Variants in ADAP2 observed in about 807,000 individuals in gnomAD.
ADAP2 encodes the protein ArfGAP with dual PH domains 2.
ADAP2 carries 42 observed loss-of-function variants against 54.9 expected under a neutral mutation model. The observed-to-expected ratio is 0.77, with a 90% CI of 0.60 to 0.99. ADAP2 has a LOEUF of 0.99. Ranked by LOEUF, ADAP2 falls within the 50% of genes least tolerant of loss-of-function variation. The pLI is 0.00. For missense variants in ADAP2, 429 were observed against 480.4 expected (o/e 0.89, Z 1.00); for synonymous variants, 177 against 180.1 (o/e 0.98, Z 0.14).
At chr17:30,945,100 G>T in intron 6 of ADAP2, 47 bp downstream of exon 6, 1 of 1,601,018 alleles carries the variant, frequency 6.2e-7, no homozygotes, top group Non-Finnish European at 8.5e-7. Context: ...CGCACCCCAG[G>T]ACTTGGCAGG....
At chr17:30,931,795 C>A in intron 3 of ADAP2, 94 bp from the exon 4 acceptor site, 1 of 907,020 alleles carries the variant, frequency 1.1e-6, no homozygotes, top group Non-Finnish European at 1.7e-6. Context: ...CACCACTGCA[C>A]TCCAGCCTGG....
At position 30,956,627 on chromosome 17, in the gene ADAP2, T is replaced by C. The variant is rs1274160748; in HGVS notation, c.1111+158T>C. On this transcript the variant is annotated intron_variant, in intron 10 of 10. Transcript: ENST00000330889. Reference sequence around the variant, plus strand: ...TTCCTGCAAAAGAAAAGCACAGACATGCCATTATTGCCAAAAGGTCTCCTC... The same window carrying C: ...TTCCTGCAAAAGAAAAGCACAGACACGCCATTATTGCCAAAAGGTCTCCTC... 6.7e-6 allele frequency: 5 copies of C among 747,490 alleles called. No homozygotes were observed. In the East Asian group the frequency reaches 1.1e-4, roughly 16 times the overall value. The allele number at this position is 747,490 out of a possible 1,614,324, so 46.3% of individuals were successfully genotyped here.
At chr17:30,940,594 C>A (rs1912205155) in intron 5 of ADAP2, among the ~76,000 whole-genome samples, 1 of 152,194 alleles carries the variant, frequency 6.6e-6, no homozygotes. Context: ...CGTGAGCCAC[C>A]ATGCCCGGCC....
intron 8 of ADAP2, 32 bp from the exon 9 acceptor site, chr17:30,954,446 T>C: frequency 6.2e-7 from 1 of 1,602,500 alleles, no homozygotes; most frequent in African/African-American, 1.3e-5. Flanking sequence ...ACTGACCTGG[T>C]CATCTGTGGT....
At chr17:30,947,202 GAGGATTGAAACA>G (rs1317656502) in intron 6 of ADAP2, among the ~76,000 whole-genome samples, 2 of 152,178 alleles carry the variant, frequency 1.3e-5, no homozygotes, top group African/African-American at 4.8e-5. Context: ...AACCTGCATG[GAGGATTGAAACA>G]AACAAAACTT....
rs144676386 is a variant in ADAP2 at position 30,951,724 on chromosome 17, T to C, written c.742-1564T>C. 9.8e-3 allele frequency among the ~76,000 whole-genome samples: 1,480 copies of C among 151,042 alleles called. 24 individuals are homozygous for C. The highest frequency in any genetic ancestry group is 0.032 in the African/African-American group (1,300 of 41,046). On this transcript the variant is annotated intron_variant, in intron 7 of 10. Coordinates refer to ENST00000330889, the MANE Select transcript of ADAP2 (RefSeq NM_018404.3). ...AGGCCAGAGTGCAGTGGCGCCATCT[T>C]GGCTCACTGCAAGCTCCGCCTCCCA...
At chr17:30,940,724 T>C (rs903278414) in intron 5 of ADAP2, among the ~76,000 whole-genome samples, 2 of 152,246 alleles carry the variant, frequency 1.3e-5, no homozygotes, top group African/African-American at 4.8e-5. Flanking sequence ...CCTTGTTTGA[T>C]GAGAGAAATG....
chr17:30,947,037 G>A (rs912637951), intron 6 of ADAP2, among the ~76,000 whole-genome samples: 12 of 152,196 alleles, frequency 7.9e-5, no homozygotes, highest in African/African-American at 2.7e-4. Flanking sequence ...GACAACCTGG[G>A]TCTGGCCATT....
Position 30,945,047 on chromosome 17 carries a change from T to A in ADAP2, c.651T>A (p.Ser217Arg), listed in dbSNP as rs754279150. 4 of 1,613,608 alleles carry A rather than the reference T, an allele frequency of 2.5e-6. No homozygotes were observed. The highest frequency in any genetic ancestry group is 2.5e-6 in the Non-Finnish European group (3 of 1,179,854). The change falls in exon 6 of 11, where the codon AGT becomes AGA. Residue 217 changes from serine to arginine, a missense_variant. Coordinates refer to ENST00000330889, the MANE Select transcript of ADAP2 (RefSeq NM_018404.3). ...GGAACCTGTTTGTGTATCATGAAAG[T>A]GGGAAGGTGAGATGCCTGGAGTTGC... is the stretch of plus-strand genomic sequence containing the variant. ...HTRNLFVYHE[S>R]GKEIVDWFNA...
At chr17:30,951,637 A>G (rs1285731397) in intron 7 of ADAP2, among the ~76,000 whole-genome samples, 3 of 145,026 alleles carry the variant, frequency 2.1e-5, no homozygotes, top group Non-Finnish European at 3.0e-5. Context: ...CATCTGACCA[A>G]TATTTTCTTT....
chr17:30,946,542 G>C (rs991211514), intron 6 of ADAP2, among the ~76,000 whole-genome samples: 2 of 152,110 alleles, frequency 1.3e-5, no homozygotes, highest in Non-Finnish European at 2.9e-5. Context: ...TAATAGTCCA[G>C]GAAATCTGCC....
At chr17:30,922,138 G>GGT (rs1292995657) in intron 1 of ADAP2, 30 bp downstream of exon 1, 2 of 1,224,690 alleles carry the variant, frequency 1.6e-6, no homozygotes, top group Non-Finnish European at 2.0e-6. Flanking sequence ...GGCAGCGCGA[G>GGT]ACCCCCGGCC....
At chr17:30,937,012 T>G (rs1335879268) in intron 5 of ADAP2, among the ~76,000 whole-genome samples, 1 of 152,148 alleles carries the variant, frequency 6.6e-6, no homozygotes, top group African/African-American at 2.4e-5. Flanking sequence ...CACTGCAACC[T>G]CTGCCTCCCA....
chr17:30,950,035 C>T (rs1394443610), intron 7 of ADAP2, among the ~76,000 whole-genome samples: 1 of 152,182 alleles, frequency 6.6e-6, no homozygotes, highest in African/African-American at 2.4e-5. Context: ...GTGCTTTGAG[C>T]CCATTTTGTC....
At chr17:30,924,182 G>A (rs534798972) in intron 2 of ADAP2, among the ~76,000 whole-genome samples, 1 of 152,236 alleles carries the variant, frequency 6.6e-6, no homozygotes, top group African/African-American at 2.4e-5. Flanking sequence ...AGAGCAGCCT[G>A]GGCAACATGG....
intron 2 of ADAP2, among the ~76,000 whole-genome samples, chr17:30,925,019 T>C (rs1205915020): frequency 6.6e-6 from 1 of 151,484 alleles, no homozygotes; most frequent in African/African-American, 2.4e-5. Flanking sequence ...ATTACAGGCA[T>C]GCACCACCAT....
intron 7 of ADAP2, among the ~76,000 whole-genome samples, chr17:30,949,978 T>A (rs2142578498): frequency 6.6e-6 from 1 of 152,292 alleles, no homozygotes; most frequent in South Asian, 2.1e-4. Context: ...TTCTGAACCC[T>A]TCTCCCTCTA....
At chr17:30,922,424 TGGCCA>T (rs572851538) in intron 1 of ADAP2, among the ~76,000 whole-genome samples, 83 of 152,308 alleles carry the variant, frequency 5.4e-4, no homozygotes, top group South Asian at 5.2e-3. Context: ...CTCTCTTCCC[TGGCCA>T]GGCACCCGAC....
At position 30,956,416 on chromosome 17, in the gene ADAP2, T is replaced by C; in HGVS notation, c.1058T>C (p.Leu353Pro). ...CPSEKEQQEW[L>P]ESLRGVLSSP... is the part of the protein sequence containing the mutation. ...AGTGAGAAGGAACAGCAGGAATGGCTGGAAAGTTTGCGGGGTGTCCTGTCC... is the reference window on the plus strand; with the variant it reads ...AGTGAGAAGGAACAGCAGGAATGGCCGGAAAGTTTGCGGGGTGTCCTGTCC... Residue 353 changes from leucine (L) to proline (P), a missense_variant, in exon 10 of 11, where the codon CTG becomes CCG. By Grantham distance (98) the Leu-to-Pro change is moderately conservative. Coordinates refer to ENST00000330889, the MANE Select transcript of ADAP2 (RefSeq NM_018404.3). The C allele has an allele frequency of 6.2e-7, 1 of 1,614,208 alleles. No homozygotes were observed. The highest frequency in any genetic ancestry group is 8.5e-7 in the Non-Finnish European group (1 of 1,180,040).
Sources: gnomAD v4.1 joint callset for allele counts (sites outside exome capture counted in the v4.1 genomes callset) on GRCh38, gnomAD v4.1.1 for gene constraint, MANE v1.5 for transcripts, NCBI Gene and HGNC (gene_info 2026-07-23, HGNC 2026-07-21) for gene names.